AP3B1: variants seen among roughly 807,000 people sequenced by gnomAD.
The protein encoded by AP3B1 is adaptor related protein complex 3 subunit beta 1, also known as AP-3 complex subunit beta-1.
Under a neutral mutation model 132.5 loss-of-function variants are expected in AP3B1, and 61 were observed. That is an observed-to-expected ratio of 0.46 (90% CI 0.37 to 0.57). The LOEUF is 0.57. Among genes scored for constraint, AP3B1 ranks in the 20% least tolerant of loss-of-function variants. The pLI is 0.00. For missense variants in AP3B1, 1,120 were observed against 1,289.4 expected, an observed-to-expected ratio of 0.87 and a Z score of 2.01; for synonymous variants, 388 against 438.3, an observed-to-expected ratio of 0.89 and a Z score of 1.43.
intron 26 of AP3B1, among the ~76,000 whole-genome samples, chr5:78,009,831 A>G (rs778558651): frequency 7.9e-5 from 12 of 152,196 alleles, no homozygotes; most frequent in Non-Finnish European, 1.3e-4. Flanking sequence ...CAAGTTAATA[A>G]TGAAAGTTGC....
intron 26 of AP3B1, among the ~76,000 whole-genome samples, chr5:78,014,153 A>G (rs1157692436): frequency 6.6e-6 from 1 of 152,086 alleles, no homozygotes; most frequent in Non-Finnish European, 1.5e-5. Context: ...ACAGAGTAAG[A>G]CTGTCTCAAC....
At chr5:78,169,732 A>AGTTT (rs1743824158) in intron 11 of AP3B1, among the ~76,000 whole-genome samples, 1 of 128,606 alleles carries the variant, frequency 7.8e-6, no homozygotes, top group African/African-American at 3.2e-5. Context: ...CAAGCCCTGA[A>AGTTT]GTTTATTTAT....
chr5:78,024,348 A>G (rs905947528), intron 24 of AP3B1, among the ~76,000 whole-genome samples: 1 of 152,134 alleles, frequency 6.6e-6, no homozygotes, highest in African/African-American at 2.4e-5. Flanking sequence ...AGGTATAGGC[A>G]AAAACCCTAT....
At chr5:78,124,115 A>G (rs1320809493) in intron 17 of AP3B1, among the ~76,000 whole-genome samples, 4 of 152,050 alleles carry the variant, frequency 2.6e-5, no homozygotes, top group Non-Finnish European at 4.4e-5. Context: ...ACCAAACACC[A>G]CATGTTCTCA....
chr5:78,102,928 T>C (rs985340028), intron 20 of AP3B1, among the ~76,000 whole-genome samples: 2 of 152,162 alleles, frequency 1.3e-5, no homozygotes, highest in African/African-American at 4.8e-5. Flanking sequence ...GAAATTGGCA[T>C]AATCTCTTAT....
At position 78,276,723 on chromosome 5, in the gene AP3B1, G is replaced by A. The variant is rs147739589; in HGVS notation, c.129-9128C>T. Among the ~76,000 whole-genome samples the A allele has an allele frequency of 4.7e-3, 718 of 152,054 alleles. 5 individuals carry two copies. The highest frequency in any genetic ancestry group is 0.016 in the African/African-American group (682 of 41,452). On this transcript the variant is annotated intron_variant, in intron 1 of 26. Transcript: ENST00000255194. ...TCACCACAAAAAAAACAAAAAATTA[G>A]TCAGGCATGGTGGCATGCACCTTTA...
Position 78,150,347 on chromosome 5 carries a change from A to G in AP3B1, c.1473+5911T>C, listed in dbSNP as rs1258639824. On this transcript the variant is annotated intron_variant, in intron 14 of 26. Coordinates refer to ENST00000255194, the MANE Select transcript of AP3B1 (RefSeq NM_003664.5). ...AGGACGAAGTAGTTAGCGTAGTCCA[A>G]TGCTAAGAAAAGATCAAGGAAGATA... Among the ~76,000 whole-genome samples, 4 of 152,344 alleles carry G rather than the reference A, an allele frequency of 2.6e-5. No homozygotes were observed. The East Asian group carries it at 5.8e-4, about 22-fold the overall frequency.
At position 78,136,895 on chromosome 5, in the gene AP3B1, A is replaced by G. The variant is rs370258623; in HGVS notation, c.1650+4248T>C. 7.2e-5 allele frequency among the ~76,000 whole-genome samples: 11 copies of G among 152,270 alleles called. No individual in the cohort carries two copies. The East Asian group carries it at 2.1e-3, about 29-fold the overall frequency. On this transcript the variant is annotated intron_variant, in intron 15 of 26. Transcript: ENST00000255194. ...TAGCAAAATTGACTATATTATAATAATTCCCATTTTACAGATGAGAAAATG... is the reference window on the plus strand; with the variant it reads ...TAGCAAAATTGACTATATTATAATAGTTCCCATTTTACAGATGAGAAAATG...
intron 17 of AP3B1, among the ~76,000 whole-genome samples, chr5:78,117,972 T>C (rs1278282249): frequency 6.6e-6 from 1 of 152,244 alleles, no homozygotes; most frequent in Non-Finnish European, 1.5e-5. Context: ...CTAGAGTACC[T>C]ATTTTATTGT....
chr5:78,291,644 T>G (rs913249898), intron 1 of AP3B1, among the ~76,000 whole-genome samples: 1 of 151,980 alleles, frequency 6.6e-6, no homozygotes, highest in African/African-American at 2.4e-5. Flanking sequence ...AATAAAATAA[T>G]AGGCTTTGCA....
At chr5:78,111,013 C>A (rs1367969787) in intron 19 of AP3B1, among the ~76,000 whole-genome samples, 1 of 152,004 alleles carries the variant, frequency 6.6e-6, no homozygotes, top group East Asian at 1.9e-4. Context: ...CCAACTTGAC[C>A]TCCCAAAATA....
rs1267199271 is a variant in AP3B1 at position 78,168,225 on chromosome 5, TC to T, written c.1168-2554del. ...ACTTTTAGACAACTTTTTTCTTTTT[TC>T]TTTTTTTTTTTTTTTGAGACAAGGT... On this transcript the variant is annotated intron_variant, in intron 11 of 26. Coordinates refer to ENST00000255194, the MANE Select transcript of AP3B1 (RefSeq NM_003664.5). Among the ~76,000 whole-genome samples the T allele has an allele frequency of 1.5e-3, 216 of 140,822 alleles. 1 individual carries two copies. Among genetic ancestry groups the T allele is most frequent in the African/African-American group, 6.1e-3 (199 of 32,834 alleles). 92.4% of individuals were successfully genotyped at this position (140,822 alleles called of 152,430 possible). A position where few individuals can be genotyped will look rare whatever the true frequency, so the allele number is the denominator to read the frequency against.
At chr5:78,220,480 A>G (rs1186421016) in intron 6 of AP3B1, among the ~76,000 whole-genome samples, 1 of 152,022 alleles carries the variant, frequency 6.6e-6, no homozygotes, top group African/African-American at 2.4e-5. Context: ...CCAACAGTAT[A>G]GAAAAAAAAC....
chr5:78,105,570 A>G (rs1751298927), intron 20 of AP3B1, among the ~76,000 whole-genome samples: 1 of 152,178 alleles, frequency 6.6e-6, no homozygotes, highest in South Asian at 2.1e-4. Context: ...TTTCCCCTTT[A>G]CATTGTGTAA....
chr5:78,097,334 G>T (rs1297465933), intron 21 of AP3B1, among the ~76,000 whole-genome samples: 1 of 129,004 alleles, frequency 7.8e-6, no homozygotes, highest in Non-Finnish European at 1.7e-5. Flanking sequence ...GGAGGGAGGT[G>T]GGGGGGTCAG....
intron 1 of AP3B1, among the ~76,000 whole-genome samples, chr5:78,271,565 C>T (rs1430436280): frequency 6.6e-6 from 1 of 152,118 alleles, no homozygotes; most frequent in Non-Finnish European, 1.5e-5. Context: ...TCTCATTTAC[C>T]TTTAATTTAA....
At chr5:78,180,053 T>C (rs978116654) in intron 8 of AP3B1, among the ~76,000 whole-genome samples, 2 of 152,106 alleles carry the variant, frequency 1.3e-5, no homozygotes, top group African/African-American at 4.8e-5. Flanking sequence ...ACTCATAAAG[T>C]ACAGCTTAAG....
intron 14 of AP3B1, among the ~76,000 whole-genome samples, chr5:78,148,682 C>T (rs1561439717): frequency 6.6e-6 from 1 of 152,124 alleles, no homozygotes; most frequent in African/African-American, 2.4e-5. Flanking sequence ...TAGTCTATTG[C>T]TATACATTTA....
intron 1 of AP3B1, among the ~76,000 whole-genome samples, chr5:78,293,430 C>G (rs1157988075): frequency 6.6e-6 from 1 of 152,168 alleles, no homozygotes; most frequent in South Asian, 2.1e-4. Context: ...TTGTATCTTA[C>G]ATGCTATATA....
Sources: allele counts gnomAD v4.1 joint callset (sites outside exome capture counted in the v4.1 genomes callset), GRCh38; gene constraint gnomAD v4.1.1; transcripts MANE v1.5; gene names NCBI Gene and HGNC (gene_info 2026-07-23, HGNC 2026-07-21).